The following MAP3K14 variants were observed in gnomAD, a reference collection of about 807,000 sequenced individuals.
MAP3K14 encodes the protein NF-kappa-beta-inducing kinase.
A neutral mutation model predicts 99.2 loss-of-function variants in MAP3K14; 16 were observed. The ratio of observed to expected loss-of-function variants is 0.16; its 90% CI spans 0.11 to 0.24. The LOEUF is 0.24. MAP3K14 is among the 10% of genes least tolerant of loss of function. The pLI, the probability that MAP3K14 is intolerant of heterozygous loss-of-function variation, is 1.00. For missense variants in MAP3K14, 784 were observed against 1,208.7 expected, an observed-to-expected ratio of 0.65 and a Z score of 5.21; for synonymous variants, 462 against 492.4, an observed-to-expected ratio of 0.94 and a Z score of 0.82.
Position 45,264,502 on chromosome 17 carries a change from G to A in MAP3K14, c.*134C>T, listed in dbSNP as rs529117696. The A allele has an allele frequency of 9.7e-6, 11 of 1,132,060 alleles. No individual in the cohort carries two copies. Among genetic ancestry groups the A allele is most frequent in the East Asian group, 2.7e-5 (1 of 36,708 alleles). The allele number at this position is 1,132,060 out of a possible 1,614,324, so 70.1% of individuals were successfully genotyped here. The stretch of plus-strand genomic sequence containing the variant: ...CTGCTTGCCCCCACCTTGCTGCTGC[G>A]AGGCCCTGGTCCCACTGCTGAGCCG... On this transcript the variant is annotated 3_prime_UTR_variant, in exon 16 of 16. Coordinates refer to ENST00000344686, the MANE Select transcript of MAP3K14 (RefSeq NM_003954.5).
rs1209461668 is a variant in MAP3K14 at position 45,286,275 on chromosome 17, G to C, written c.1152+156C>G. 1.3e-5 allele frequency among the ~76,000 whole-genome samples: 2 copies of C among 152,234 alleles called. No individual in the cohort carries two copies. The highest frequency in any genetic ancestry group is 2.9e-5 in the Non-Finnish European group (2 of 68,048). On this transcript the variant is annotated intron_variant, in intron 5 of 15. Coordinates refer to ENST00000344686, the MANE Select transcript of MAP3K14 (RefSeq NM_003954.5). The surrounding 1 kb of genome is among the most constrained non-coding windows in gnomAD (Gnocchi z 4.1). Reference sequence around the variant, plus strand: ...ACGCTAAAAAGGCTGTGAGAAGTGAGATTGGCGGAATAAGAGATGATACTT... The same window carrying C: ...ACGCTAAAAAGGCTGTGAGAAGTGACATTGGCGGAATAAGAGATGATACTT...
At chr17:45,265,047 T>A (rs1376975457) in intron 15 of MAP3K14, 116 bp downstream of exon 15, 1 of 925,690 alleles carries the variant, frequency 1.1e-6, no homozygotes, top group Non-Finnish European at 1.7e-6. Flanking sequence ...GAAGGCCAAT[T>A]CCAAGTATTC....
At chr17:45,310,898 C>T (rs2143877234) in intron 1 of MAP3K14, among the ~76,000 whole-genome samples, 1 of 152,260 alleles carries the variant, frequency 6.6e-6, no homozygotes, top group East Asian at 1.9e-4. Flanking sequence ...TTTACTTTTT[C>T]TTAGACCCAG....
In MAP3K14 at chr17:45,315,636, C is replaced by T. The variant is rs187416964; in HGVS notation, c.-21+1324G>A. ...CCTCTCACATTAAGAGCATAAAAACCACACCAAAAACTTCTCCCTCCTTTC... is the reference window on the plus strand; with the variant it reads ...CCTCTCACATTAAGAGCATAAAAACTACACCAAAAACTTCTCCCTCCTTTC... On this transcript the variant is annotated intron_variant, in intron 1 of 15. Coordinates refer to ENST00000344686, the MANE Select transcript of MAP3K14 (RefSeq NM_003954.5). Among the ~76,000 whole-genome samples, 28 of 152,218 alleles carry T rather than the reference C, an allele frequency of 1.8e-4. No homozygotes were observed. In the East Asian group the frequency reaches 5.2e-3, roughly 28 times the overall value.
intron 2 of MAP3K14, among the ~76,000 whole-genome samples, chr17:45,290,215 T>A (rs532339552): frequency 6.6e-6 from 1 of 152,296 alleles, no homozygotes; most frequent in East Asian, 1.9e-4. Flanking sequence ...GATGGCCTGC[T>A]TGATGATTCT....
intron 11 of MAP3K14, among the ~76,000 whole-genome samples, chr17:45,269,172 G>A (rs541118284): frequency 2.0e-5 from 3 of 152,106 alleles, no homozygotes; most frequent in Non-Finnish European, 4.4e-5. Context: ...CACCATGCCT[G>A]GCTAATTTTT....
chr17:45,310,105 C>A (rs1485626793), intron 1 of MAP3K14, among the ~76,000 whole-genome samples: 1 of 144,952 alleles, frequency 6.9e-6, no homozygotes, highest in Non-Finnish European at 1.5e-5. Context: ...TGGATCTTGG[C>A]TCACTGCAAC....
intron 1 of MAP3K14, among the ~76,000 whole-genome samples, chr17:45,310,905 C>T (rs2044471946): frequency 6.6e-6 from 1 of 152,044 alleles, no homozygotes; most frequent in Admixed American, 6.6e-5. Flanking sequence ...TTTCTTAGAC[C>T]CAGGGCAGCA....
In MAP3K14 at chr17:45,286,386, G is replaced by C; in HGVS notation, c.1152+45C>G. ...GATAAAGAGAGAAAAGCATCCCCCAGGTTGCTGGTAGAGGGACATATACAG... is the reference window on the plus strand; with the variant it reads ...GATAAAGAGAGAAAAGCATCCCCCACGTTGCTGGTAGAGGGACATATACAG... On this transcript the variant is annotated intron_variant, in intron 5 of 15. Transcript: ENST00000344686. The surrounding 1 kb of genome is among the most constrained non-coding windows in gnomAD (Gnocchi z 4.1). 6.6e-7 allele frequency: 1 copy of C among 1,514,992 alleles called. No homozygotes were observed. Among genetic ancestry groups the C allele is most frequent in the Non-Finnish European group, 8.8e-7 (1 of 1,129,984 alleles). The allele number at this position is 1,514,992 out of a possible 1,614,324, so 93.8% of individuals were successfully genotyped here.
rs892708734 is a variant in MAP3K14, at chr17:45,296,869, A to G, written c.-20-6104T>C. On this transcript the variant is annotated intron_variant, in intron 1 of 15. Transcript: ENST00000344686. The stretch of plus-strand genomic sequence containing the variant: ...CCTTTAAGGCCTATCTACTCAATGA[A>G]GCCTTTTATGGTAGGCTTCTGCATC... Among the ~76,000 whole-genome samples, 4 of 152,184 alleles carry G rather than the reference A, an allele frequency of 2.6e-5. No homozygotes were observed. The South Asian group carries it at 6.2e-4, about 24-fold the overall frequency.
intron 1 of MAP3K14, among the ~76,000 whole-genome samples, chr17:45,294,351 C>G (rs2044333077): frequency 6.6e-6 from 1 of 152,190 alleles, no homozygotes; most frequent in Admixed American, 6.5e-5. Context: ...CCTGGAGAAG[C>G]CTGGGGGATA....
intron 1 of MAP3K14, among the ~76,000 whole-genome samples, chr17:45,293,125 A>G (rs1195359671): frequency 6.6e-6 from 1 of 152,258 alleles, no homozygotes; most frequent in Non-Finnish European, 1.5e-5. Context: ...CGAGGGACTC[A>G]AAGGACAAAG....
At chr17:45,310,986 A>G (rs1017021891) in intron 1 of MAP3K14, among the ~76,000 whole-genome samples, 2 of 152,084 alleles carry the variant, frequency 1.3e-5, no homozygotes, top group Non-Finnish European at 2.9e-5. Flanking sequence ...GGGTTGTGGT[A>G]GGGGAATAAA....
intron 6 of MAP3K14, among the ~76,000 whole-genome samples, chr17:45,275,567 C>A (rs916466099): frequency 2.6e-5 from 4 of 151,706 alleles, no homozygotes; most frequent in Non-Finnish European, 4.4e-5. Context: ...GCTGCTGGCA[C>A]GCTGTCCGCC....
Position 45,264,783 on chromosome 17 carries a change from G to A in MAP3K14, c.2697C>T (p.Phe899=), listed in dbSNP as rs747471209. 1 of 1,613,396 alleles carries A rather than the reference G, an allele frequency of 6.2e-7. No individual in the cohort carries two copies. The highest frequency in any genetic ancestry group is 8.5e-7 in the Non-Finnish European group (1 of 1,179,688). ...GCTGCCCGTCTTTGGTGACCAAGCTGAAGGCTGCAGCTGGGATCTAAGGGT... is the reference window on the plus strand; with the variant it reads ...GCTGCCCGTCTTTGGTGACCAAGCTAAAGGCTGCAGCTGGGATCTAAGGGT... ...GISSQIPAAA[F]SLVTKDGQPV... Residue 899 remains phenylalanine, a synonymous_variant, in exon 16 of 16, where the codon TTC becomes TTT. Coordinates refer to ENST00000344686, the MANE Select transcript of MAP3K14 (RefSeq NM_003954.5).
intron 3 of MAP3K14, among the ~76,000 whole-genome samples, chr17:45,288,595 C>A (rs1448915930): frequency 6.6e-6 from 1 of 152,046 alleles, no homozygotes; most frequent in African/African-American, 2.4e-5. Context: ...CCAGGATGGT[C>A]TCGATCTCCT....
rs549960630 is a variant in MAP3K14, at chr17:45,285,967, TAAA to T, written c.1152+461_1152+463del. ...ACTCTGTCTCAAAAAACACATTTATTAAAAAAAAAAAAAAAAAGTGGATGGATG... is the reference window on the plus strand; with the variant it reads ...ACTCTGTCTCAAAAAACACATTTATTAAAAAAAAAAAAAAGTGGATGGATG... On this transcript the variant is annotated intron_variant, in intron 5 of 15. Transcript: ENST00000344686. 2.4e-5 allele frequency among the ~76,000 whole-genome samples: 3 copies of T among 125,502 alleles called. No homozygotes were observed. In the East Asian group the frequency reaches 7.0e-4, roughly 29 times the overall value. 82.3% of individuals were successfully genotyped at this position (125,502 alleles called of 152,430 possible).
intron 6 of MAP3K14, among the ~76,000 whole-genome samples, chr17:45,283,872 G>A (rs1217505534): frequency 1.3e-5 from 2 of 152,192 alleles, no homozygotes; most frequent in African/African-American, 4.8e-5. Context: ...CTGGCTTTGA[G>A]GCCGAGAGCT....
intron 1 of MAP3K14, among the ~76,000 whole-genome samples, chr17:45,303,335 T>C (rs1041152462): frequency 1.3e-5 from 2 of 152,024 alleles, no homozygotes; most frequent in Non-Finnish European, 2.9e-5. Flanking sequence ...CCGAGGTGGG[T>C]GGATCACTTG....
Sources: gnomAD v4.1 joint callset for allele counts (sites outside exome capture counted in the v4.1 genomes callset) on GRCh38, gnomAD v4.1.1 for gene constraint, Gnocchi (gnomAD v3.1) non-coding constraint, MANE v1.5 for transcripts, NCBI Gene and HGNC (gene_info 2026-07-23, HGNC 2026-07-21) for gene names.